The following LRRTM4 variants were observed in gnomAD, a reference collection of about 807,000 sequenced individuals.
LRRTM4 encodes the protein leucine rich repeat transmembrane neuronal 4, also known as leucine-rich repeat transmembrane neuronal protein 4.
LRRTM4 carries 25 observed loss-of-function variants against 47.6 expected under a neutral mutation model. The observed-to-expected ratio is 0.53, with a 90% CI of 0.38 to 0.73. The LOEUF is 0.73. Among genes scored for constraint, LRRTM4 ranks in the 30% least tolerant of loss-of-function variants. LRRTM4 has a pLI of 0.00. For synonymous variants in LRRTM4, 311 were observed against 269.5 expected, an observed-to-expected ratio of 1.15 and a Z score of -1.51; for missense variants, 638 against 713.4, an observed-to-expected ratio of 0.89 and a Z score of 1.20.
In LRRTM4 at chr2:77,066,405, A is replaced by G. The variant is rs180924407; in HGVS notation, c.1552-317489T>C. ...GACTAATAGCATCATCTTTGCAGGTACAGCTACCTGTGGTCATTGATTCAT... is the reference window on the plus strand; with the variant it reads ...GACTAATAGCATCATCTTTGCAGGTGCAGCTACCTGTGGTCATTGATTCAT... On this transcript the variant is annotated intron_variant, in intron 3 of 3. Coordinates refer to ENST00000409884, the MANE Select transcript of LRRTM4 (RefSeq NM_001134745.3). Among the ~76,000 whole-genome samples the G allele has an allele frequency of 1.6e-4, 24 of 152,342 alleles. No individual in the cohort carries two copies. In the East Asian group the frequency reaches 4.2e-3, roughly 27 times the overall value.
chr2:77,408,043 C>T (rs1651928421), intron 3 of LRRTM4, among the ~76,000 whole-genome samples: 1 of 152,072 alleles, frequency 6.6e-6, no homozygotes, highest in Non-Finnish European at 1.5e-5. Flanking sequence ...AGTCTATAGT[C>T]ACACACATAC....
chr2:76,926,204 T>C (rs1674584665), intron 3 of LRRTM4, among the ~76,000 whole-genome samples: 1 of 152,164 alleles, frequency 6.6e-6, no homozygotes, highest in Admixed American at 6.5e-5. Flanking sequence ...GTGCAATGTG[T>C]CTAGGAGTAC....
At chr2:77,350,959 G>A (rs923273513) in intron 3 of LRRTM4, among the ~76,000 whole-genome samples, 55 of 152,108 alleles carry the variant, frequency 3.6e-4, no homozygotes, top group African/African-American at 1.3e-3. Context: ...ACACATTAAG[G>A]TTTGTTACAT....
chr2:77,060,090 C>T (rs1323570434), intron 3 of LRRTM4, among the ~76,000 whole-genome samples: 1 of 152,160 alleles, frequency 6.6e-6, no homozygotes, highest in Non-Finnish European at 1.5e-5. Flanking sequence ...TTTTCATAAA[C>T]ATTTGCAAAC....
At chr2:76,895,925 G>C (rs1235863539) in intron 3 of LRRTM4, among the ~76,000 whole-genome samples, 5 of 151,946 alleles carry the variant, frequency 3.3e-5, no homozygotes, top group Non-Finnish European at 5.9e-5. Flanking sequence ...GTGGAAGGTG[G>C]TGGAACCTCA....
chr2:76,840,759 A>G (rs568621187), intron 3 of LRRTM4, among the ~76,000 whole-genome samples: 1 of 152,292 alleles, frequency 6.6e-6, no homozygotes, highest in Non-Finnish European at 1.5e-5. Flanking sequence ...TTCTAATTAT[A>G]AATTTACAGG....
At chr2:76,831,137 A>G (rs1167783732) in intron 3 of LRRTM4, among the ~76,000 whole-genome samples, 2 of 152,106 alleles carry the variant, frequency 1.3e-5, no homozygotes, top group South Asian at 2.1e-4. Context: ...TAATTTTGAA[A>G]TACTAAGTCA....
intron 3 of LRRTM4, among the ~76,000 whole-genome samples, chr2:76,991,356 T>C (rs1192471238): frequency 2.0e-5 from 3 of 151,520 alleles, no homozygotes; most frequent in East Asian, 3.9e-4. Context: ...AAAACCAAAA[T>C]TTATTGTTTG....
chr2:77,007,363 C>G (rs902427849), intron 3 of LRRTM4, among the ~76,000 whole-genome samples: 2 of 152,046 alleles, frequency 1.3e-5, no homozygotes, highest in Non-Finnish European at 2.9e-5. Context: ...GCAAAATATT[C>G]TAGCAATTTA....
intron 3 of LRRTM4, among the ~76,000 whole-genome samples, chr2:76,790,808 TAGAAA>T: frequency 1.3e-5 from 2 of 152,056 alleles, no homozygotes; most frequent in Non-Finnish European, 2.9e-5. Flanking sequence ...GTTTCTGCCA[TAGAAA>T]CAATCTAATA....
intron 3 of LRRTM4, among the ~76,000 whole-genome samples, chr2:77,189,715 T>C (rs890410229): frequency 7.9e-5 from 12 of 152,228 alleles, no homozygotes; most frequent in African/African-American, 2.4e-4. Context: ...TAATTTGTTA[T>C]AGAAGCCTGA....
At chr2:76,974,357 A>G (rs2103949977) in intron 3 of LRRTM4, among the ~76,000 whole-genome samples, 1 of 150,342 alleles carries the variant, frequency 6.7e-6, no homozygotes, top group South Asian at 2.1e-4. Context: ...CTGAAATTAA[A>G]AAATAAATGG....
At chr2:77,509,471 T>C (rs1239874307) in intron 3 of LRRTM4, among the ~76,000 whole-genome samples, 1 of 152,108 alleles carries the variant, frequency 6.6e-6, no homozygotes, top group Non-Finnish European at 1.5e-5. Context: ...CCAGCTCTGG[T>C]ACCCAAACTA....
chr2:77,089,385 G>T (rs976287668), intron 3 of LRRTM4, among the ~76,000 whole-genome samples: 5 of 150,604 alleles, frequency 3.3e-5, no homozygotes, highest in Admixed American at 2.6e-4. Flanking sequence ...TTATTTCCAC[G>T]CCCCAACCTC....
intron 3 of LRRTM4, among the ~76,000 whole-genome samples, chr2:77,101,410 T>C (rs1670949525): frequency 6.6e-6 from 1 of 152,138 alleles, no homozygotes; most frequent in Admixed American, 6.6e-5. Flanking sequence ...GGGGTGAAGA[T>C]TAAGCAACTA....
chr2:77,339,989 A>G (rs942140163), intron 3 of LRRTM4, among the ~76,000 whole-genome samples: 3 of 151,992 alleles, frequency 2.0e-5, no homozygotes, highest in Admixed American at 6.6e-5. Flanking sequence ...TTTGAATATA[A>G]AAGAGTCTAC....
intron 3 of LRRTM4, among the ~76,000 whole-genome samples, chr2:77,309,138 C>A (rs1357844845): frequency 6.6e-6 from 1 of 152,124 alleles, no homozygotes; most frequent in East Asian, 1.9e-4. Context: ...TTATGACAAT[C>A]TTTTCCTATC....
intron 3 of LRRTM4, among the ~76,000 whole-genome samples, chr2:76,900,798 T>C (rs1673598358): frequency 2.0e-5 from 3 of 152,158 alleles, no homozygotes; most frequent in Non-Finnish European, 4.4e-5. Context: ...TTTAACATTA[T>C]GGGAAAATGT....
At chr2:77,013,439 G>A (rs1677946691) in intron 3 of LRRTM4, among the ~76,000 whole-genome samples, 2 of 151,876 alleles carry the variant, frequency 1.3e-5, no homozygotes. Flanking sequence ...CTTGTAATGA[G>A]CATTGGATGG....
Sources: gnomAD v4.1 joint callset for allele counts (sites outside exome capture counted in the v4.1 genomes callset) on GRCh38, gnomAD v4.1.1 for gene constraint, MANE v1.5 for transcripts, NCBI Gene and HGNC (gene_info 2026-07-23, HGNC 2026-07-21) for gene names.